Variants in MIS18A observed in about 807,000 individuals in gnomAD.
MIS18A encodes the protein protein Mis18-alpha.
In MIS18A, 14 loss-of-function variants were observed where a neutral mutation model predicts 25.0. That is an observed-to-expected ratio of 0.56 (90% CI 0.37 to 0.88). MIS18A has a LOEUF of 0.88. Ranked by LOEUF, MIS18A falls within the 40% of genes least tolerant of loss-of-function variation. The pLI, the probability that MIS18A is intolerant of heterozygous loss-of-function variation, is 0.00. For missense variants in MIS18A, 292 were observed against 290.8 expected, an observed-to-expected ratio of 1.00 and a Z score of -0.03; for synonymous variants, 134 against 118.6, an observed-to-expected ratio of 1.13 and a Z score of -0.84.
downstream of MIS18A, among the ~76,000 whole-genome samples, chr21:32,266,653 A>T (rs1461576962): frequency 6.6e-6 from 1 of 151,898 alleles, no homozygotes; most frequent in East Asian, 1.9e-4. Context: ...CTGAGCCACC[A>T]AGACCACGAA....
chr21:32,155,105 C>A, the MIS18A span, among the ~76,000 whole-genome samples: 1 of 152,098 alleles, frequency 6.6e-6, no homozygotes, highest in Non-Finnish European at 1.5e-5. Context: ...ACCCAGGAAG[C>A]TTTGTGGTAA....
chr21:32,236,476 AT>A, the MIS18A span, among the ~76,000 whole-genome samples: 152,337 of 152,338 alleles, frequency 1, 76,168 homozygotes, highest in Middle Eastern at 1. Context: ...AAAAAAATAA[AT>A]TCAAAATCTA....
chr21:32,215,492 T>C, the MIS18A span, among the ~76,000 whole-genome samples: 2 of 152,028 alleles, frequency 1.3e-5, no homozygotes, highest in Non-Finnish European at 2.9e-5. Flanking sequence ...GCGAGGTAAG[T>C]GCTTATCTCC....
the MIS18A span, among the ~76,000 whole-genome samples, chr21:32,174,249 C>A: frequency 6.6e-6 from 1 of 151,958 alleles, no homozygotes; most frequent in Non-Finnish European, 1.5e-5. Context: ...CAGCACCCAG[C>A]CTTTTTAAGT....
chr21:32,278,736 G>A lies in MIS18A; in HGVS notation c.279C>T (p.Gly93=). ...FLCSGCRRPL[G]DSLSWVASQE... ...GGCTGGCCACCCAGCTCAGCGAGTC[G>A]CCCAGCGGCCGCCGGCAGCCGGAGC... is the stretch of plus-strand genomic sequence containing the variant. Residue 93 remains glycine (G), a synonymous_variant, in exon 1 of 5, where the codon GGC becomes GGT. Coordinates refer to ENST00000290130, the MANE Select transcript of MIS18A (RefSeq NM_018944.3). 6.3e-7 allele frequency: 1 copy of A among 1,579,954 alleles called. No homozygotes were observed. The highest frequency in any genetic ancestry group is 8.6e-7 in the Non-Finnish European group (1 of 1,169,516).
At chr21:32,263,043 T>TA in the MIS18A span, among the ~76,000 whole-genome samples, 8 of 152,152 alleles carry the variant, frequency 5.3e-5, no homozygotes, top group African/African-American at 1.7e-4. Context: ...CAGCTCTCAC[T>TA]AAAAAAATTA....
the MIS18A span, among the ~76,000 whole-genome samples, chr21:32,240,639 G>A: frequency 1.6e-4 from 25 of 152,150 alleles, no homozygotes; most frequent in Non-Finnish European, 2.2e-4. Flanking sequence ...ATGTTGTCAC[G>A]ATTAAATAAG....
rs772540832 is a variant in MIS18A at position 32,270,498 on chromosome 21, A to T, written c.433T>A (p.Ser145Thr). ...CTGTACACGTAGCCAAGATTGAGTG[A>T]GCACCCCGCGCAGCACAAAGTCTCA... The part of the protein sequence containing the change: ...VLETLCCAGC[S>T]LNLGYVYRCT... The change falls in exon 3 of 5, where the codon TCA becomes ACA. Residue 145 changes from serine to threonine, a missense_variant. Coordinates refer to ENST00000290130, the MANE Select transcript of MIS18A (RefSeq NM_018944.3). 3 of 1,607,110 alleles carry T rather than the reference A, an allele frequency of 1.9e-6. No homozygotes were observed. The highest frequency in any genetic ancestry group is 2.5e-6 in the Non-Finnish European group (3 of 1,177,408).
At chr21:32,188,856 T>A in the MIS18A span, among the ~76,000 whole-genome samples, 1 of 152,296 alleles carries the variant, frequency 6.6e-6, no homozygotes, top group South Asian at 2.1e-4. Flanking sequence ...AGTGCCTCTG[T>A]TGACAGATGT....
chr21:32,155,198 A>T, the MIS18A span, among the ~76,000 whole-genome samples: 27 of 152,186 alleles, frequency 1.8e-4, no homozygotes, highest in Non-Finnish European at 3.4e-4. Context: ...AGTGACAAAT[A>T]ATAGTTTAGA....
chr21:32,191,721 C>T, the MIS18A span, among the ~76,000 whole-genome samples: 5 of 152,212 alleles, frequency 3.3e-5, no homozygotes, highest in Admixed American at 2.0e-4. Context: ...CTGGCCAACA[C>T]GGTGAAACCC....
At chr21:32,264,232 A>C (rs1390907508), downstream of MIS18A, among the ~76,000 whole-genome samples, 1 of 152,148 alleles carries the variant, frequency 6.6e-6, no homozygotes, top group Non-Finnish European at 1.5e-5. Flanking sequence ...GACTAGAAGG[A>C]TATACCTCAA....
intron 2 of MIS18A, among the ~76,000 whole-genome samples, chr21:32,270,733 T>C (rs1437537243): frequency 6.6e-6 from 1 of 152,218 alleles, no homozygotes. Context: ...AAGTATCAAA[T>C]GACAAGGGAC....
At chr21:32,246,340 G>A in the MIS18A span, among the ~76,000 whole-genome samples, 7 of 152,156 alleles carry the variant, frequency 4.6e-5, no homozygotes, top group African/African-American at 1.7e-4. Flanking sequence ...GCCAGGTGTA[G>A]ACCTGGGACT....
the MIS18A span, among the ~76,000 whole-genome samples, chr21:32,176,568 G>A: frequency 0.1 from 15,956 of 152,148 alleles, 1,076 homozygotes; most frequent in African/African-American, 0.19. Flanking sequence ...TACAGCTAAT[G>A]CTGTAAAGAG....
the MIS18A span, among the ~76,000 whole-genome samples, chr21:32,156,236 C>A: frequency 6.6e-6 from 1 of 150,994 alleles, no homozygotes; most frequent in Non-Finnish European, 1.5e-5. Context: ...AGAAAAGAGC[C>A]TCTCTGCTTA....
At chr21:32,265,567 G>A (rs965534349), downstream of MIS18A, among the ~76,000 whole-genome samples, 6 of 152,338 alleles carry the variant, frequency 3.9e-5, no homozygotes, top group South Asian at 8.3e-4. Flanking sequence ...CTGCCTTCCC[G>A]CGGGGCAGGG....
At chr21:32,203,657 T>C in the MIS18A span, among the ~76,000 whole-genome samples, 1 of 139,450 alleles carries the variant, frequency 7.2e-6, no homozygotes, top group African/African-American at 2.7e-5. Context: ...TCTCACTCTG[T>C]CACCCAGGCT....
At chr21:32,193,466 TGATAGATAGATAGGTA>T in the MIS18A span, among the ~76,000 whole-genome samples, 8,009 of 142,396 alleles carry the variant, frequency 0.056, 347 homozygotes, top group South Asian at 0.13. Flanking sequence ...AATAGGTTGA[TGATAGATAGATAGGTA>T]GATAGATAGA....
Sources: gnomAD v4.1 joint callset for allele counts (sites outside exome capture counted in the v4.1 genomes callset) on GRCh38, gnomAD v4.1.1 for gene constraint, MANE v1.5 for transcripts, NCBI Gene and HGNC (gene_info 2026-07-23, HGNC 2026-07-21) for gene names.